The following SCFD2 variants were observed in gnomAD, a reference collection of about 807,000 sequenced individuals.
SCFD2 encodes the protein sec1 family domain-containing protein 2.
In SCFD2, 54 loss-of-function variants were observed where a neutral mutation model predicts 58.9. The observed-to-expected ratio is 0.92, with a 90% CI of 0.74 to 1.15. The LOEUF (loss-of-function observed/expected upper bound fraction) is 1.15, where lower values mean the gene tolerates loss of function less well. SCFD2 is among the 50% of genes most tolerant of loss of function. The pLI is 0.00. For missense variants in SCFD2, 805 were observed against 836.6 expected (o/e 0.96, Z 0.47); for synonymous variants, 321 against 335.9 (o/e 0.96, Z 0.49).
At chr4:52,995,257 C>T (rs552596950) in intron 5 of SCFD2, among the ~76,000 whole-genome samples, 27 of 152,242 alleles carry the variant, frequency 1.8e-4, no homozygotes, top group East Asian at 9.7e-4. Context: ...ACAAGGAGCG[C>T]GGAACCTAGA....
intron 7 of SCFD2, among the ~76,000 whole-genome samples, chr4:52,889,614 C>G (rs982338566): frequency 6.8e-4 from 104 of 152,320 alleles, no homozygotes; most frequent in Non-Finnish European, 4.6e-4. Flanking sequence ...ACCTGAACAC[C>G]TGGTGTTTAT....
intron 2 of SCFD2, among the ~76,000 whole-genome samples, chr4:53,334,313 G>T (rs1377248769): frequency 6.6e-6 from 1 of 152,152 alleles, no homozygotes; most frequent in Non-Finnish European, 1.5e-5. Context: ...TATGTTTATT[G>T]TGGCATTATT....
intron 4 of SCFD2, among the ~76,000 whole-genome samples, chr4:53,260,202 G>C (rs1730788202): frequency 6.6e-6 from 1 of 152,032 alleles, no homozygotes; most frequent in Non-Finnish European, 1.5e-5. Context: ...CCTCTTTACA[G>C]ATTTGGATGC....
At chr4:53,099,078 G>A (rs1007735684) in intron 5 of SCFD2, among the ~76,000 whole-genome samples, 2 of 152,224 alleles carry the variant, frequency 1.3e-5, no homozygotes, top group South Asian at 4.1e-4. Flanking sequence ...ACAGTGTCTG[G>A]CGCTCAGTAA....
At chr4:53,295,810 C>T (rs984607009) in intron 3 of SCFD2, among the ~76,000 whole-genome samples, 2 of 152,160 alleles carry the variant, frequency 1.3e-5, no homozygotes, top group African/African-American at 4.8e-5. Flanking sequence ...AGATACATTA[C>T]ATCAATACAT....
At chr4:53,076,164 A>C (rs934855729) in intron 5 of SCFD2, among the ~76,000 whole-genome samples, 5 of 152,210 alleles carry the variant, frequency 3.3e-5, no homozygotes, top group African/African-American at 4.8e-5. Flanking sequence ...ATTACAAGAA[A>C]AAATTTCTAT....
intron 4 of SCFD2, among the ~76,000 whole-genome samples, chr4:53,272,451 C>G (rs1731201258): frequency 1.3e-5 from 2 of 152,092 alleles, no homozygotes; most frequent in Non-Finnish European, 2.9e-5. Context: ...GGAACCAACC[C>G]AAATGTCCAA....
At chr4:52,956,136 C>A (rs1454781395) in intron 5 of SCFD2, 1 of 456,658 alleles carries the variant, frequency 2.2e-6, no homozygotes, top group South Asian at 1.5e-5. Context: ...ACAGCCAGAG[C>A]TCTAAATCTG....
chr4:53,201,625 G>C (rs1560382157), intron 4 of SCFD2, among the ~76,000 whole-genome samples: 1 of 152,070 alleles, frequency 6.6e-6, no homozygotes, highest in Non-Finnish European at 1.5e-5. Flanking sequence ...GGTTGAACTA[G>C]TTTACAGTCC....
At chr4:52,945,853 A>C (rs1720411082) in intron 5 of SCFD2, 1 of 152,186 alleles carries the variant, frequency 6.6e-6, no homozygotes, top group Non-Finnish European at 1.5e-5. Context: ...ACTCATGAGA[A>C]TTTTAACATT....
chr4:53,013,388 A>C (rs1430919983), intron 5 of SCFD2, among the ~76,000 whole-genome samples: 1 of 152,224 alleles, frequency 6.6e-6, no homozygotes. Context: ...TCCTTTCACT[A>C]TAAATGTCAC....
intron 4 of SCFD2, among the ~76,000 whole-genome samples, chr4:53,250,425 T>G (rs1730318670): frequency 1.3e-5 from 2 of 152,150 alleles, no homozygotes; most frequent in Admixed American, 1.3e-4. Context: ...ACCCAGGAAT[T>G]GAACTCAGCT....
chr4:53,247,644 G>C (rs898519764), intron 4 of SCFD2, among the ~76,000 whole-genome samples: 3 of 151,738 alleles, frequency 2.0e-5, no homozygotes, highest in African/African-American at 7.3e-5. Flanking sequence ...TGGATCATGA[G>C]GTCAGGAGAT....
At chr4:53,200,757 G>A (rs990750465) in intron 4 of SCFD2, among the ~76,000 whole-genome samples, 2 of 152,082 alleles carry the variant, frequency 1.3e-5, no homozygotes, top group African/African-American at 4.8e-5. Flanking sequence ...TGTCTTAATG[G>A]CATGAATTTA....
chr4:53,037,497 C>G (rs189646397), intron 5 of SCFD2, among the ~76,000 whole-genome samples: 225 of 151,884 alleles, frequency 1.5e-3, no homozygotes, highest in African/African-American at 5.1e-3. Flanking sequence ...TGTATTTTCC[C>G]AATAAAGCAC....
At chr4:53,244,764 C>T (rs4552533) in intron 4 of SCFD2, among the ~76,000 whole-genome samples, 148,017 of 151,374 alleles carry the variant, frequency 0.98, 72,465 homozygotes, top group Middle Eastern at 1. Context: ...CTGAAGGAGA[C>T]TGAGATGTGA....
intron 4 of SCFD2, among the ~76,000 whole-genome samples, chr4:53,273,427 T>C (rs1470915505): frequency 1.3e-5 from 2 of 152,180 alleles, no homozygotes; most frequent in East Asian, 3.8e-4. Context: ...ACATGCTATA[T>C]GTTGCTTAAG....
In SCFD2 at chr4:53,016,664, T is replaced by C. The variant is rs567843527; in HGVS notation, c.1562-95794A>G. Among the ~76,000 whole-genome samples the C allele has an allele frequency of 1.5e-3, 231 of 152,326 alleles. 1 individual carries two copies. The highest frequency in any genetic ancestry group is 5.4e-3 in the African/African-American group (225 of 41,572). ...CTACAGATGAGTAAGAGGCTCTAAT[T>C]AGAAGACAGGTGAAAGAAAATTTAT... is the stretch of plus-strand genomic sequence containing the variant. On this transcript the variant is annotated intron_variant, in intron 5 of 8. Coordinates refer to ENST00000401642, the MANE Select transcript of SCFD2 (RefSeq NM_152540.4).
At position 53,365,619 on chromosome 4, in the gene SCFD2, C is replaced by T. The variant is rs775042844; in HGVS notation, c.323G>A (p.Ser108Asn). 10 of 1,614,138 alleles carry T rather than the reference C, an allele frequency of 6.2e-6. No homozygotes were observed. The highest frequency in any genetic ancestry group is 1.3e-5 in the African/African-American group (1 of 74,948). ...FQYCVVVTTV[S>N]HAVHLTANHV... ...ATTAGCTGTGAGGTGGACAGCGTGG[C>T]TCACGGTTGTGACCACCACACAATA... The change falls in exon 1 of 9, where the codon AGC becomes AAC. Residue 108 changes from serine to asparagine, a missense_variant. By Grantham distance (46) the Ser-to-Asn change is conservative. Transcript: ENST00000401642. This position sits in a 1 kb window ranked among gnomAD's most constrained non-coding sequence, Gnocchi z 4.3.
Sources: allele counts gnomAD v4.1 joint callset (sites outside exome capture counted in the v4.1 genomes callset), GRCh38; gene constraint gnomAD v4.1.1; non-coding constraint Gnocchi (gnomAD v3.1); transcripts MANE v1.5; gene names NCBI Gene and HGNC (gene_info 2026-07-23, HGNC 2026-07-21).